The following FBXW7 variants were observed in gnomAD, a reference collection of about 807,000 sequenced individuals.
FBXW7 encodes F-box and WD repeat domain containing 7.
In FBXW7, 11 loss-of-function variants were observed where a neutral mutation model predicts 86.3. The ratio of observed to expected loss-of-function variants is 0.13; its 90% CI spans 0.08 to 0.21. The LOEUF (loss-of-function observed/expected upper bound fraction) is 0.21, where lower values mean the gene tolerates loss of function less well. FBXW7 is among the 10% of genes least tolerant of loss of function. FBXW7 has a pLI of 1.00. For synonymous variants in FBXW7, 313 were observed against 297.9 expected, an observed-to-expected ratio of 1.05 and a Z score of -0.52; for missense variants, 488 against 847.4, an observed-to-expected ratio of 0.58 and a Z score of 5.27.
Position 152,530,105 on chromosome 4 carries a change from G to GTA in FBXW7, c.-120+4834_-120+4835dup, listed in dbSNP as rs1382689744. Among the ~76,000 whole-genome samples, 15 of 142,940 alleles carry GTA rather than the reference G, an allele frequency of 1.0e-4. No individual in the cohort carries two copies. In the East Asian group the frequency reaches 1.4e-3, roughly 14 times the overall value. 93.8% of individuals were successfully genotyped at this position (142,940 alleles called of 152,430 possible). Reference sequence around the variant, plus strand: ...CACACACACACACACACACACACGTGTATATATATACGTGTACATATATAT... The same window carrying GTA: ...CACACACACACACACACACACACGTGTATATATATATACGTGTACATATATAT... On this transcript the variant is annotated intron_variant, in intron 2 of 13. Coordinates refer to ENST00000281708, the MANE Select transcript of FBXW7 (RefSeq NM_001349798.2).
chr4:152,463,690 T>C (rs1043099936), intron 2 of FBXW7, among the ~76,000 whole-genome samples: 6 of 152,180 alleles, frequency 3.9e-5, no homozygotes, highest in Non-Finnish European at 7.4e-5. Flanking sequence ...TTTGGGGTGC[T>C]AAGGACCTGG....
At chr4:152,455,018 A>G (rs1373983863) in intron 2 of FBXW7, among the ~76,000 whole-genome samples, 1 of 152,184 alleles carries the variant, frequency 6.6e-6, no homozygotes, top group Non-Finnish European at 1.5e-5. Context: ...GTCATCAGGA[A>G]ATCCAGAAAT....
intron 9 of FBXW7, among the ~76,000 whole-genome samples, chr4:152,330,387 C>T (rs1297351169): frequency 6.6e-6 from 1 of 151,834 alleles, no homozygotes; most frequent in African/African-American, 2.4e-5. Context: ...CACAGACACT[C>T]CTCAAAAAAT....
At chr4:152,422,047 T>C (rs962464963) in intron 2 of FBXW7, among the ~76,000 whole-genome samples, 1 of 151,928 alleles carries the variant, frequency 6.6e-6, no homozygotes, top group African/African-American at 2.4e-5. Flanking sequence ...ACCAAGAGAC[T>C]TGCTCAACAC....
intron 7 of FBXW7, chr4:152,337,558 C>G: frequency 3.1e-6 from 1 of 325,520 alleles, no homozygotes; most frequent in East Asian, 5.0e-5. Flanking sequence ...AATAGTTACT[C>G]TCACATATAT....
intron 4 of FBXW7, among the ~76,000 whole-genome samples, chr4:152,353,687 T>C (rs1426950635): frequency 6.6e-6 from 1 of 152,186 alleles, no homozygotes; most frequent in East Asian, 1.9e-4. Flanking sequence ...CTATATTGCT[T>C]ATCATTAAAA....
chr4:152,421,086 T>C (rs1420154253), intron 2 of FBXW7, among the ~76,000 whole-genome samples: 1 of 152,208 alleles, frequency 6.6e-6, no homozygotes, highest in African/African-American at 2.4e-5. Context: ...CTAGACATTC[T>C]AGATAACATG....
intron 2 of FBXW7, among the ~76,000 whole-genome samples, chr4:152,497,930 A>T (rs1263947026): frequency 6.6e-6 from 1 of 152,266 alleles, no homozygotes; most frequent in Non-Finnish European, 1.5e-5. Flanking sequence ...ACATGTCAAT[A>T]TGAACACATC....
chr4:152,374,570 T>C (rs1003269960), intron 4 of FBXW7, among the ~76,000 whole-genome samples: 8 of 152,178 alleles, frequency 5.3e-5, no homozygotes, highest in African/African-American at 1.9e-4. Context: ...GAATCAGCCA[T>C]AGAAATATTT....
intron 2 of FBXW7, among the ~76,000 whole-genome samples, chr4:152,450,555 T>C (rs1741819018): frequency 6.6e-6 from 1 of 152,198 alleles, no homozygotes; most frequent in Admixed American, 6.5e-5. Context: ...TATGTACTCC[T>C]AGCAAATGGG....
intron 4 of FBXW7, among the ~76,000 whole-genome samples, chr4:152,405,936 C>T (rs879696289): frequency 9.9e-5 from 15 of 152,170 alleles, no homozygotes; most frequent in Non-Finnish European, 1.6e-4. Flanking sequence ...TGATGCCCAA[C>T]AGACAGCTAG....
At chr4:152,453,811 ATTT>A (rs971694971) in intron 2 of FBXW7, among the ~76,000 whole-genome samples, 1 of 152,316 alleles carries the variant, frequency 6.6e-6, no homozygotes, top group African/African-American at 2.4e-5. Context: ...ATTTTTTAGA[ATTT>A]TTTTGAATTT....
At position 152,360,392 on chromosome 4, in the gene FBXW7, A is replaced by G. The variant is rs1175006219; in HGVS notation, c.502-10268T>C. 5.3e-5 allele frequency among the ~76,000 whole-genome samples: 8 copies of G among 152,334 alleles called. No homozygotes were observed. In the East Asian group the frequency reaches 1.5e-3, roughly 29 times the overall value. ...GAAATGGTGTATAAAACATTCATTG[A>G]AATTGTATATTCCCAGAAAAAGTTA... On this transcript the variant is annotated intron_variant, in intron 4 of 13. Transcript: ENST00000281708.
rs112762359 is a variant in FBXW7 at position 152,403,477 on chromosome 4, C to CAA, written c.501+7824_501+7825dup. On this transcript the variant is annotated intron_variant, in intron 4 of 13. Transcript: ENST00000281708. The stretch of plus-strand genomic sequence containing the variant: ...TGGGCAACAGAGCCAGACTTCATCT[C>CAA]AAAAAAAAAAAAAAAAGAATTGTGT... 7.7e-4 allele frequency among the ~76,000 whole-genome samples: 66 copies of CAA among 85,260 alleles called. 1 individual carries two copies. The highest frequency in any genetic ancestry group is 2.3e-3 in the African/African-American group (55 of 23,674). 55.9% of individuals were successfully genotyped at this position (85,260 alleles called of 152,430 possible). A position where few individuals can be genotyped will look rare whatever the true frequency, so the allele number is the denominator to read the frequency against.
chr4:152,477,280 A>T (rs1418838029), intron 2 of FBXW7, among the ~76,000 whole-genome samples: 1 of 152,162 alleles, frequency 6.6e-6, no homozygotes, highest in African/African-American at 2.4e-5. Flanking sequence ...AGAAAAATAT[A>T]AAAGTTCTAA....
intron 7 of FBXW7, among the ~76,000 whole-genome samples, chr4:152,335,870 A>G (rs2126569434): frequency 6.6e-6 from 1 of 152,310 alleles, no homozygotes; most frequent in East Asian, 1.9e-4. Context: ...TTTTCTTGGT[A>G]TTCACTTATA....
At chr4:152,399,162 A>G (rs1736695658) in intron 4 of FBXW7, among the ~76,000 whole-genome samples, 1 of 152,170 alleles carries the variant, frequency 6.6e-6, no homozygotes, top group Non-Finnish European at 1.5e-5. Flanking sequence ...TATACTTGGC[A>G]CCAACATCAA....
intron 4 of FBXW7, among the ~76,000 whole-genome samples, chr4:152,407,731 C>G (rs1213946073): frequency 1.3e-5 from 2 of 152,114 alleles, no homozygotes; most frequent in Non-Finnish European, 2.9e-5. Flanking sequence ...CTCCCCCCAC[C>G]CTCTATTTAT....
chr4:152,432,590 T>A, intron 2 of FBXW7, among the ~76,000 whole-genome samples: 1 of 152,106 alleles, frequency 6.6e-6, no homozygotes. Context: ...GTGGATCATT[T>A]GAGGTCAGGA....
Sources: gnomAD v4.1 joint callset for allele counts (sites outside exome capture counted in the v4.1 genomes callset) on GRCh38, gnomAD v4.1.1 for gene constraint, MANE v1.5 for transcripts, NCBI Gene and HGNC (gene_info 2026-07-23, HGNC 2026-07-21) for gene names.